SYN3: variants seen among roughly 807,000 people sequenced by gnomAD.
The protein encoded by SYN3 is synapsin III, also known as synapsin-3.
A neutral mutation model predicts 65.8 loss-of-function variants in SYN3; 35 were observed. The ratio of observed to expected loss-of-function variants is 0.53; its 90% CI spans 0.41 to 0.70. SYN3 has a LOEUF of 0.70. Among genes scored for constraint, SYN3 ranks in the 30% least tolerant of loss-of-function variants. The pLI is 0.00. For missense variants in SYN3, 680 were observed against 749.0 expected, an observed-to-expected ratio of 0.91 and a Z score of 1.08; for synonymous variants, 270 against 292.9, an observed-to-expected ratio of 0.92 and a Z score of 0.80.
chr22:33,034,193 AAC>A (rs1556213767), intron 1 of SYN3, among the ~76,000 whole-genome samples: 2 of 151,128 alleles, frequency 1.3e-5, no homozygotes, highest in African/African-American at 2.4e-5. Flanking sequence ...GTTAAAAAAA[AAC>A]ACACACACAC....
At chr22:32,809,606 G>A (rs2046858617) in intron 6 of SYN3, among the ~76,000 whole-genome samples, 2 of 152,152 alleles carry the variant, frequency 1.3e-5, no homozygotes, top group Non-Finnish European at 2.9e-5. Context: ...TTCATGTGTT[G>A]AGTGTTGATT....
intron 7 of SYN3, among the ~76,000 whole-genome samples, chr22:32,558,758 G>A (rs1270561771): frequency 6.6e-6 from 1 of 152,190 alleles, no homozygotes; most frequent in African/African-American, 2.4e-5. Flanking sequence ...CTGGAATCAT[G>A]GCCCTGATGA....
chr22:32,563,225 G>T (rs1023909673), intron 7 of SYN3, among the ~76,000 whole-genome samples: 5 of 152,326 alleles, frequency 3.3e-5, no homozygotes, highest in African/African-American at 1.2e-4. Context: ...GGCAGGGCCT[G>T]GCATGTAGCA....
chr22:32,945,894 C>T (rs1601754887), intron 3 of SYN3, among the ~76,000 whole-genome samples: 2 of 152,212 alleles, frequency 1.3e-5, no homozygotes, highest in East Asian at 3.8e-4. Context: ...TATGAACAAA[C>T]ACTTCTCAAA....
At chr22:32,726,290 A>G (rs763377955) in intron 6 of SYN3, among the ~76,000 whole-genome samples, 6 of 152,232 alleles carry the variant, frequency 3.9e-5, no homozygotes, top group Admixed American at 2.6e-4. Context: ...TTATAGGCAT[A>G]CGCCACCACG....
intron 6 of SYN3, among the ~76,000 whole-genome samples, chr22:32,806,848 TC>T (rs2046754471): frequency 6.6e-6 from 1 of 152,180 alleles, no homozygotes; most frequent in Non-Finnish European, 1.5e-5. Context: ...GATTACTTTT[TC>T]TAACTCTAGT....
At chr22:32,596,053 G>C (rs943370135) in intron 7 of SYN3, among the ~76,000 whole-genome samples, 1 of 152,114 alleles carries the variant, frequency 6.6e-6, no homozygotes, top group African/African-American at 2.4e-5. Context: ...CACCAGCCTG[G>C]GTGACAGAGC....
In SYN3 at chr22:33,001,723, T is replaced by C. The variant is rs540991872; in HGVS notation, c.311+4629A>G. 1.6e-3 allele frequency among the ~76,000 whole-genome samples: 238 copies of C among 152,346 alleles called. 1 individual carries two copies. The highest frequency in any genetic ancestry group is 2.7e-3 in the Non-Finnish European group (183 of 68,022). ...GTTATACTAACTCAGATCTTAACCC[T>C]ACTTACATACATTAACTCTATGACA... On this transcript the variant is annotated intron_variant, in intron 2 of 13. Coordinates refer to ENST00000358763, the MANE Select transcript of SYN3 (RefSeq NM_003490.4).
chr22:32,735,811 T>C (rs1053070568), intron 6 of SYN3, among the ~76,000 whole-genome samples: 3 of 152,220 alleles, frequency 2.0e-5, no homozygotes, highest in African/African-American at 7.2e-5. Flanking sequence ...CTCCCACTCA[T>C]GTCTGGGAAC....
At chr22:32,945,843 A>C (rs2051090769) in intron 3 of SYN3, among the ~76,000 whole-genome samples, 1 of 152,362 alleles carries the variant, frequency 6.6e-6, no homozygotes, top group East Asian at 1.9e-4. Flanking sequence ...ACAAATTTAC[A>C]AGAAAAAACC....
chr22:32,902,182 G>A (rs192435918), intron 4 of SYN3, among the ~76,000 whole-genome samples: 4 of 152,330 alleles, frequency 2.6e-5, no homozygotes, highest in Non-Finnish European at 5.9e-5. Context: ...ATGAGCCTAG[G>A]GCTTGGTTCT....
intron 6 of SYN3, among the ~76,000 whole-genome samples, chr22:32,853,743 T>G (rs1268202770): frequency 6.6e-6 from 1 of 152,250 alleles, no homozygotes; most frequent in Non-Finnish European, 1.5e-5. Context: ...AATTTCAGTA[T>G]AACTTGTTCT....
intron 12 of SYN3, among the ~76,000 whole-genome samples, chr22:32,524,346 T>G (rs115800530): frequency 0.015 from 2,279 of 152,304 alleles, 61 homozygotes; most frequent in African/African-American, 0.052. Flanking sequence ...CTGACTCTCT[T>G]GTTGGGGCTA....
chr22:32,581,643 G>A (rs975698415), intron 7 of SYN3, among the ~76,000 whole-genome samples: 2 of 152,056 alleles, frequency 1.3e-5, no homozygotes, highest in African/African-American at 2.4e-5. Flanking sequence ...TACCCTAAGT[G>A]GGTGGCTGTT....
intron 6 of SYN3, among the ~76,000 whole-genome samples, chr22:32,601,398 C>G (rs1299016041): frequency 1.3e-5 from 2 of 152,118 alleles, no homozygotes; most frequent in East Asian, 3.9e-4. Context: ...CTGCCTCAGC[C>G]TCCGGAGTAG....
intron 7 of SYN3, among the ~76,000 whole-genome samples, chr22:32,567,591 T>A (rs1473973134): frequency 6.6e-6 from 1 of 152,182 alleles, no homozygotes; most frequent in Non-Finnish European, 1.5e-5. Context: ...TGGGATGGAC[T>A]GATACATTTC....
intron 4 of SYN3, among the ~76,000 whole-genome samples, chr22:32,928,955 A>G (rs1020105520): frequency 1.3e-5 from 2 of 152,222 alleles, no homozygotes; most frequent in East Asian, 3.9e-4. Flanking sequence ...TGATTACTGT[A>G]GTTTTCATTT....
intron 6 of SYN3, among the ~76,000 whole-genome samples, chr22:32,650,171 T>G (rs1480821112): frequency 6.6e-5 from 10 of 152,014 alleles, no homozygotes; most frequent in East Asian, 3.9e-4. Flanking sequence ...TCATTGAGCA[T>G]GTACTAATTG....
chr22:32,871,013 T>C (rs1319925771), intron 4 of SYN3, among the ~76,000 whole-genome samples: 4 of 152,230 alleles, frequency 2.6e-5, no homozygotes, highest in Non-Finnish European at 2.9e-5. Context: ...ACATTGTCCA[T>C]GGCCCTGGTT....
Sources: gnomAD v4.1 joint callset for allele counts (sites outside exome capture counted in the v4.1 genomes callset) on GRCh38, gnomAD v4.1.1 for gene constraint, MANE v1.5 for transcripts, NCBI Gene and HGNC (gene_info 2026-07-23, HGNC 2026-07-21) for gene names.